The following NEMF variants were observed in gnomAD, a reference collection of about 807,000 sequenced individuals.
NEMF encodes ribosome quality control complex subunit NEMF.
A neutral mutation model predicts 162.2 loss-of-function variants in NEMF; 89 were observed. That is an observed-to-expected ratio of 0.55 (90% CI 0.46 to 0.65). NEMF has a LOEUF of 0.65. NEMF is among the 30% of genes least tolerant of loss of function. The pLI is 0.00. For missense variants in NEMF, 1,133 were observed against 1,261.9 expected (o/e 0.90, Z 1.55); for synonymous variants, 421 against 404.5 (o/e 1.04, Z -0.49).
chr14:49,846,705 T>C (rs542522243), intron 3 of NEMF, among the ~76,000 whole-genome samples: 62 of 152,324 alleles, frequency 4.1e-4, no homozygotes, highest in African/African-American at 1.5e-3. Flanking sequence ...GCACAAGCAA[T>C]CCTCCTGCCT....
At chr14:49,839,074 T>A (rs1566703697) in intron 5 of NEMF, among the ~76,000 whole-genome samples, 1 of 150,554 alleles carries the variant, frequency 6.6e-6, no homozygotes, top group Non-Finnish European at 1.5e-5. Flanking sequence ...TTAATTTTTT[T>A]TTTTTTATTT....
chr14:49,783,086 C>T lies in NEMF; in HGVS notation c.*1550G>A, dbSNP rs1377474676. ...TTGGTTTTAATGTGCATGTGAATGGCCTAGAGAACCTATTTTTGTGTCTAA... is the reference window on the plus strand; with the variant it reads ...TTGGTTTTAATGTGCATGTGAATGGTCTAGAGAACCTATTTTTGTGTCTAA... On this transcript the variant is annotated 3_prime_UTR_variant, in exon 33 of 33. Coordinates refer to ENST00000298310, the MANE Select transcript of NEMF (RefSeq NM_004713.6). 14 of 753,746 alleles carry T rather than the reference C, an allele frequency of 1.9e-5. No individual in the cohort carries two copies. The highest frequency in any genetic ancestry group is 2.8e-5 in the Non-Finnish European group (14 of 496,966). 46.7% of individuals were successfully genotyped at this position (753,746 alleles called of 1,614,324 possible). A position where few individuals can be genotyped will look rare whatever the true frequency, so the allele number is the denominator to read the frequency against.
chr14:49,849,582 C>T (rs553000736), intron 3 of NEMF: 2 of 152,194 alleles, frequency 1.3e-5, no homozygotes, highest in African/African-American at 2.4e-5. Context: ...TAGATTGACA[C>T]GTACACCTAA....
At position 49,820,441 on chromosome 14, in the gene NEMF, C is replaced by G. The variant is rs1049959327; in HGVS notation, c.1577+5426G>C. On this transcript the variant is annotated intron_variant, in intron 16 of 32. Coordinates refer to ENST00000298310, the MANE Select transcript of NEMF (RefSeq NM_004713.6). ...CATGACTTCGCTGAAGTTCCTTACC[C>G]TCTCCGTTTCAGATTCTGAAAGTAT... The G allele has an allele frequency of 1.3e-5, 6 of 456,554 alleles. 1 individual carries two copies. Among genetic ancestry groups the G allele is most frequent in the Non-Finnish European group, 2.6e-5 (6 of 226,974 alleles). The allele number at this position is 456,554 out of a possible 1,614,324, so 28.3% of individuals were successfully genotyped here.
intron 19 of NEMF, among the ~76,000 whole-genome samples, chr14:49,804,528 G>A (rs983992833): frequency 1.3e-5 from 2 of 151,888 alleles, no homozygotes; most frequent in Non-Finnish European, 2.9e-5. Context: ...TTAGCCAGGC[G>A]TGGTGGTGGG....
intron 18 of NEMF, among the ~76,000 whole-genome samples, chr14:49,811,945 GA>G (rs1246342613): frequency 3.9e-5 from 6 of 152,162 alleles, no homozygotes; most frequent in Non-Finnish European, 5.9e-5. Context: ...AATGGGTTAG[GA>G]AGTGTTCCCA....
chr14:49,807,892 C>T (rs1891296083), intron 18 of NEMF, among the ~76,000 whole-genome samples: 1 of 152,092 alleles, frequency 6.6e-6, no homozygotes. Flanking sequence ...GCATGAGCCA[C>T]AGCGCCTGAC....
intron 4 of NEMF, among the ~76,000 whole-genome samples, chr14:49,843,878 C>T (rs1566709445): frequency 6.6e-6 from 1 of 152,190 alleles, no homozygotes; most frequent in African/African-American, 2.4e-5. Context: ...GCGAGCAGAT[C>T]ACCTGAGGTC....
At chr14:49,842,380 CTT>C (rs1893257956) in intron 4 of NEMF, among the ~76,000 whole-genome samples, 1 of 152,088 alleles carries the variant, frequency 6.6e-6, no homozygotes, top group Admixed American at 6.6e-5. Context: ...GAATTAAAGA[CTT>C]TTTAAAATTT....
At chr14:49,800,354 G>C in intron 23 of NEMF, 66 bp downstream of exon 23, 1 of 1,172,836 alleles carries the variant, frequency 8.5e-7, no homozygotes, top group East Asian at 2.6e-5. Flanking sequence ...TATTATCTTT[G>C]TAAGGATTAC....
At chr14:49,836,194 A>G (rs1177453822) in intron 6 of NEMF, among the ~76,000 whole-genome samples, 1 of 152,052 alleles carries the variant, frequency 6.6e-6, no homozygotes, top group Non-Finnish European at 1.5e-5. Context: ...CAAGACAATC[A>G]CTTGAACCCA....
chr14:49,795,922 G>T lies in NEMF; in HGVS notation c.2488C>A (p.Pro830Thr), dbSNP rs140761202. Residue 830 changes from proline to threonine, a missense_variant, in exon 26 of 33, where the codon CCA (proline) becomes ACA (threonine). Physicochemically the swap from Pro to Thr is conservative, Grantham distance 38 (BLOSUM62 -1). Coordinates refer to ENST00000298310, the MANE Select transcript of NEMF (RefSeq NM_004713.6). Reference protein sequence around the residue: ...ERREMKKKKLPSDSGDLEALE... With the variant: ...ERREMKKKKLTSDSGDLEALE... ...GCTTCTAAATCTCCTGAGTCACTTGGAAGTTTTTTCTTTTTCATTTCCCTG... is the reference window on the plus strand; with the variant it reads ...GCTTCTAAATCTCCTGAGTCACTTGTAAGTTTTTTCTTTTTCATTTCCCTG... The T allele has an allele frequency of 1.1e-4, 181 of 1,598,466 alleles. 1 individual carries two copies. The East Asian group carries it at 3.7e-3, about 33-fold the overall frequency.
At chr14:49,820,666 G>A (rs1225445360) in intron 16 of NEMF, among the ~76,000 whole-genome samples, 2 of 152,026 alleles carry the variant, frequency 1.3e-5, no homozygotes, top group Non-Finnish European at 1.5e-5. Context: ...CTCTCATGCC[G>A]AGCCAAAGCT....
In NEMF at chr14:49,825,903, G is replaced by A. The variant is rs1566686910; in HGVS notation, c.1541C>T (p.Thr514Ile). The A allele has an allele frequency of 2.5e-6, 4 of 1,610,588 alleles. No homozygotes were observed. Among genetic ancestry groups the A allele is most frequent in the Non-Finnish European group, 3.4e-6 (4 of 1,177,226 alleles). The change falls in exon 16 of 33, where the codon ACT becomes ATT. Residue 514 changes from threonine (T) to isoleucine (I), a missense_variant. This residue lies in a region of NEMF where 582 missense variants were observed against 631.5 expected (regional missense o/e 0.92). Coordinates refer to ENST00000298310, the MANE Select transcript of NEMF (RefSeq NM_004713.6). ...KTKQTLKEVQ[T>I]VTSIQKARKV... ...TCTTGCTTTTTGAATAGAGGTAACA[G>A]TCTGAACTTCTTTTAATGTTTGCTT...
At chr14:49,828,200 A>C (rs1892457334) in intron 15 of NEMF, 91 bp downstream of exon 15, 4 of 924,648 alleles carry the variant, frequency 4.3e-6, no homozygotes, top group Non-Finnish European at 7.0e-6. Flanking sequence ...CTTCTGAATT[A>C]GAAAACCTCA....
chr14:49,795,728 T>C, intron 26 of NEMF, 63 bp downstream of exon 26: 1 of 1,485,312 alleles, frequency 6.7e-7, no homozygotes, highest in South Asian at 1.2e-5. Flanking sequence ...ACTTCAACTT[T>C]AAAAAATTAA....
Position 49,798,723 on chromosome 14 carries a change from C to T in NEMF, c.2465+752G>A, listed in dbSNP as rs549946604. ...AAGATCGAGACTATCCTGGCTAACA[C>T]GGTGAAACCCCGTCTCTACTAAAAA... On this transcript the variant is annotated intron_variant, in intron 25 of 32. Coordinates refer to ENST00000298310, the MANE Select transcript of NEMF (RefSeq NM_004713.6). Among the ~76,000 whole-genome samples, 540 of 152,082 alleles carry T rather than the reference C, an allele frequency of 3.6e-3. 3 individuals carry two copies. Among genetic ancestry groups the T allele is most frequent in the African/African-American group, 0.012 (512 of 41,486 alleles).
intron 16 of NEMF, among the ~76,000 whole-genome samples, chr14:49,823,824 G>A (rs1892206079): frequency 2.0e-5 from 3 of 152,138 alleles, no homozygotes; most frequent in South Asian, 2.1e-4. Context: ...AAATTGGGAG[G>A]GGAGAAATAT....
intron 16 of NEMF, among the ~76,000 whole-genome samples, chr14:49,820,969 T>C (rs1487441545): frequency 7.1e-6 from 1 of 141,222 alleles, no homozygotes. Flanking sequence ...CCATCCCATC[T>C]AGGAAGTGAG....
Sources: allele counts gnomAD v4.1 joint callset (sites outside exome capture counted in the v4.1 genomes callset), GRCh38; gene constraint gnomAD v4.1.1; regional missense constraint gnomAD v4.1.1; transcripts MANE v1.5; gene names NCBI Gene and HGNC (gene_info 2026-07-23, HGNC 2026-07-21).